The following KAZN variants were observed in gnomAD, a reference collection of about 807,000 sequenced individuals.
KAZN encodes kazrin, periplakin interacting protein, also known as kazrin.
KAZN carries 40 observed loss-of-function variants against 87.4 expected under a neutral mutation model. That is an observed-to-expected ratio of 0.46 (90% CI 0.36 to 0.60). KAZN has a LOEUF of 0.60. Among genes scored for constraint, KAZN ranks in the 20% least tolerant of loss-of-function variants. The pLI is 0.00. For synonymous variants in KAZN, 466 were observed against 458.3 expected, an observed-to-expected ratio of 1.02 and a Z score of -0.22; for missense variants, 898 against 1,073.9, an observed-to-expected ratio of 0.84 and a Z score of 2.29.
chr1:14,007,516 G>A (rs1440565500), intron 1 of KAZN, among the ~76,000 whole-genome samples: 1 of 152,212 alleles, frequency 6.6e-6, no homozygotes, highest in Non-Finnish European at 1.5e-5. Flanking sequence ...AAAAGGTCAG[G>A]CAGATCAGTA....
At chr1:14,868,296 C>T (rs1186800878) in intron 1 of KAZN, among the ~76,000 whole-genome samples, 4 of 152,242 alleles carry the variant, frequency 2.6e-5, no homozygotes, top group African/African-American at 7.2e-5. Context: ...GGGAACTGTT[C>T]TTAGACCCAA....
At chr1:14,153,017 TTCGCC>T (rs1436060085) in intron 1 of KAZN, among the ~76,000 whole-genome samples, 1 of 152,194 alleles carries the variant, frequency 6.6e-6, no homozygotes, top group East Asian at 1.9e-4. Context: ...ATTTAGATCT[TTCGCC>T]CACTTAAAAA....
At chr1:14,227,843 T>C (rs1647429441) in intron 2 of KAZN, among the ~76,000 whole-genome samples, 1 of 152,174 alleles carries the variant, frequency 6.6e-6, no homozygotes, top group Admixed American at 6.5e-5. Flanking sequence ...TTGTAAACAG[T>C]ATGTTATGTA....
chr1:14,952,509 G>A (rs1391456736), intron 1 of KAZN, among the ~76,000 whole-genome samples: 1 of 151,962 alleles, frequency 6.6e-6, no homozygotes, highest in Non-Finnish European at 1.5e-5. Flanking sequence ...TTTTCTTGGG[G>A]TATAATTCAC....
At chr1:14,386,925 A>G (rs1202047588) in intron 2 of KAZN, among the ~76,000 whole-genome samples, 1 of 151,792 alleles carries the variant, frequency 6.6e-6, no homozygotes, top group Non-Finnish European at 1.5e-5. Context: ...ACTTGGTTCC[A>G]TTCTCCCCGT....
At chr1:14,836,052 C>T (rs995753601) in intron 1 of KAZN, among the ~76,000 whole-genome samples, 1 of 152,128 alleles carries the variant, frequency 6.6e-6, no homozygotes, top group Admixed American at 6.5e-5. Context: ...GACAGCAGGC[C>T]CCTGAGCCCC....
chr1:14,342,638 C>G (rs2100911709), intron 2 of KAZN, among the ~76,000 whole-genome samples: 1 of 152,242 alleles, frequency 6.6e-6, no homozygotes, highest in Middle Eastern at 3.4e-3. Context: ...CCAAAAAATG[C>G]CGCCTGCAAT....
intron 2 of KAZN, among the ~76,000 whole-genome samples, chr1:14,530,855 C>G (rs558089087): frequency 7.9e-5 from 12 of 152,254 alleles, no homozygotes; most frequent in African/African-American, 2.9e-4. Flanking sequence ...GAGGCTGAGG[C>G]AGGAGGATCA....
In KAZN at chr1:14,149,104, C is replaced by CTTCT. The variant is rs1645417198; in HGVS notation, c.92-31329_92-31328insCTTT. On this transcript the variant is annotated intron_variant, in intron 1 of 16. Transcript: ENST00000636203. ...CTTCCTTCCTTCCTTTCTTTCTTTC[C>CTTCT]TTTTTTTTTTTTTTTTTGACAGAGT... is the stretch of plus-strand genomic sequence containing the variant. 2.9e-5 allele frequency among the ~76,000 whole-genome samples: 2 copies of CTTCT among 69,592 alleles called. 1 individual carries two copies. The highest frequency in any genetic ancestry group is 5.1e-5 in the Non-Finnish European group (2 of 39,364). The allele number at this position is 69,592 out of a possible 152,430, so 45.7% of individuals were successfully genotyped here.
At chr1:14,983,447 C>G (rs1026746103) in intron 2 of KAZN, among the ~76,000 whole-genome samples, 1 of 152,192 alleles carries the variant, frequency 6.6e-6, no homozygotes, top group African/African-American at 2.4e-5. Flanking sequence ...CCAGCTGGCT[C>G]AGCTGGCAAG....
chr1:14,054,469 G>T (rs1642467819), intron 1 of KAZN, among the ~76,000 whole-genome samples: 1 of 152,100 alleles, frequency 6.6e-6, no homozygotes, highest in Non-Finnish European at 1.5e-5. Context: ...ACAGGATGAA[G>T]AAAGTCAAAA....
Position 14,949,495 on chromosome 1 carries a change from C to T in KAZN, c.227-11189C>T, listed in dbSNP as rs55831247. ...TTGCTGCCACCAGCAGTCGGGAACCCAGCCACTCTGGTGGCAGGCAGGTGC... is the reference window on the plus strand; with the variant it reads ...TTGCTGCCACCAGCAGTCGGGAACCTAGCCACTCTGGTGGCAGGCAGGTGC... On this transcript the variant is annotated intron_variant, in intron 1 of 14. Coordinates refer to ENST00000376030, the MANE Select transcript of KAZN (RefSeq NM_201628.3). The surrounding 1 kb of genome is among the most constrained non-coding windows in gnomAD (Gnocchi z 4.3). Among the ~76,000 whole-genome samples the T allele has an allele frequency of 0.012, 1,885 of 152,302 alleles. 39 individuals are homozygous for T. Among genetic ancestry groups the T allele is most frequent in the African/African-American group, 0.043 (1,773 of 41,548 alleles).
At position 14,402,251 on chromosome 1, in the gene KAZN, A is replaced by AG. The variant is rs397976797; in HGVS notation, c.250-196732_250-196731insG. On this transcript the variant is annotated intron_variant, in intron 2 of 16. Transcript: ENST00000636203. Reference sequence around the variant, plus strand: ...GTTTCTATAGGCCAAAAAAAAAAAAATCTTCGATGTTATAGGAAAAATAGC... The same window carrying AG: ...GTTTCTATAGGCCAAAAAAAAAAAAAGTCTTCGATGTTATAGGAAAAATAGC... 4.7e-3 allele frequency among the ~76,000 whole-genome samples: 715 copies of AG among 151,902 alleles called. 1 individual carries two copies. Among genetic ancestry groups the AG allele is most frequent in the Non-Finnish European group, 7.8e-3 (533 of 67,918 alleles).
At chr1:13,910,809 T>C (rs1377435001) in intron 1 of KAZN, among the ~76,000 whole-genome samples, 1 of 152,078 alleles carries the variant, frequency 6.6e-6, no homozygotes, top group Non-Finnish European at 1.5e-5. Context: ...AAGAGATATG[T>C]AGGTGTGTTC....
At chr1:14,556,811 C>G (rs1478910480) in intron 2 of KAZN, among the ~76,000 whole-genome samples, 5 of 152,296 alleles carry the variant, frequency 3.3e-5, no homozygotes, top group Admixed American at 3.3e-4. Flanking sequence ...CCGTTTGGCT[C>G]TGACATTCTA....
chr1:14,594,972 C>T (rs994336105), upstream of KAZN, among the ~76,000 whole-genome samples: 5 of 152,028 alleles, frequency 3.3e-5, no homozygotes, highest in African/African-American at 1.2e-4. Flanking sequence ...TGGTGAAACC[C>T]CGTCTCTACT....
intron 2 of KAZN, among the ~76,000 whole-genome samples, chr1:14,194,880 A>G (rs111662406): frequency 0.017 from 2,638 of 152,116 alleles, 80 homozygotes; most frequent in African/African-American, 0.06. Context: ...GAGATTGAGG[A>G]GCCTCAACCT....
At position 14,820,721 on chromosome 1, in the gene KAZN, G is replaced by A. The variant is rs1209350425; in HGVS notation, c.227-139963G>A. On this transcript the variant is annotated intron_variant, in intron 1 of 14. Transcript: ENST00000376030. The surrounding 1 kb of genome is among the most constrained non-coding windows in gnomAD (Gnocchi z 4.1). Reference sequence around the variant, plus strand: ...TCTTGAGCAGAAGGTAAAGGTAGAAGGTGCAGATTAGGTACTGGGAATAGT... The same window carrying A: ...TCTTGAGCAGAAGGTAAAGGTAGAAAGTGCAGATTAGGTACTGGGAATAGT... Among the ~76,000 whole-genome samples, 1 of 152,196 alleles carries A rather than the reference G, an allele frequency of 6.6e-6. No homozygotes were observed. The highest frequency in any genetic ancestry group is 1.5e-5 in the Non-Finnish European group (1 of 68,046).
chr1:14,105,637 T>C (rs1644353827), intron 1 of KAZN, among the ~76,000 whole-genome samples: 1 of 152,220 alleles, frequency 6.6e-6, no homozygotes, highest in African/African-American at 2.4e-5. Context: ...AAGCATCTAC[T>C]TGGTTTTCCC....
Sources: allele counts gnomAD v4.1 joint callset (sites outside exome capture counted in the v4.1 genomes callset), GRCh38; gene constraint gnomAD v4.1.1; non-coding constraint Gnocchi (gnomAD v3.1); transcripts MANE v1.5; gene names NCBI Gene and HGNC (gene_info 2026-07-23, HGNC 2026-07-21).